ICA1: variants seen among roughly 807,000 people sequenced by gnomAD.
The protein encoded by ICA1 is 69 kDa islet cell autoantigen.
A neutral mutation model predicts 71.0 loss-of-function variants in ICA1; 40 were observed. The observed-to-expected ratio is 0.56, with a 90% CI of 0.44 to 0.73. The LOEUF is 0.73. Among genes scored for constraint, ICA1 ranks in the 30% least tolerant of loss-of-function variants. The pLI is 0.00. For missense variants in ICA1, 578 were observed against 576.5 expected, an observed-to-expected ratio of 1.00 and a Z score of -0.03; for synonymous variants, 207 against 209.5, an observed-to-expected ratio of 0.99 and a Z score of 0.10.
chr7:8,150,872 G>A (rs1798556226), intron 8 of ICA1, among the ~76,000 whole-genome samples: 2 of 152,250 alleles, frequency 1.3e-5, no homozygotes, highest in South Asian at 4.1e-4. Context: ...CCCCTGGGAA[G>A]CAGTGCATGG....
Position 8,248,876 on chromosome 7 carries a change from C to T in ICA1, c.-79-12871G>A, listed in dbSNP as rs111515931. The stretch of plus-strand genomic sequence containing the variant: ...ATAGCACCACATGCCATACAATCTA[C>T]GGTACAAATCTGTTCATATTCTATC... On this transcript the variant is annotated intron_variant, in intron 1 of 13. Coordinates refer to ENST00000402384, the MANE Select transcript of ICA1 (RefSeq NM_001136020.3). Among the ~76,000 whole-genome samples the T allele has an allele frequency of 5.7e-3, 865 of 152,306 alleles. 10 individuals are homozygous for T. Among genetic ancestry groups the T allele is most frequent in the African/African-American group, 0.019 (806 of 41,560 alleles).
At chr7:8,149,870 A>G (rs1030478934) in intron 8 of ICA1, among the ~76,000 whole-genome samples, 35 of 152,238 alleles carry the variant, frequency 2.3e-4, no homozygotes, top group African/African-American at 8.4e-4. Flanking sequence ...TACAATTAGA[A>G]GTACATGAAA....
rs368136777 is a variant in ICA1, at chr7:8,232,235, T to C, written c.183+355A>G. Among the ~76,000 whole-genome samples the C allele has an allele frequency of 1.2e-4, 18 of 152,342 alleles. No homozygotes were observed. In the East Asian group the frequency reaches 2.5e-3, roughly 21 times the overall value. Reference sequence around the variant, plus strand: ...TTCCACGACGTTTTACCTGAGTTCTTCTTTTAAAAAAATTTAACATTTGCC... The same window carrying C: ...TTCCACGACGTTTTACCTGAGTTCTCCTTTTAAAAAAATTTAACATTTGCC... On this transcript the variant is annotated intron_variant, in intron 3 of 13. Coordinates refer to ENST00000402384, the MANE Select transcript of ICA1 (RefSeq NM_001136020.3).
At chr7:8,157,273 C>A in intron 7 of ICA1, 59 bp from the exon 8 acceptor site, 2 of 1,448,732 alleles carry the variant, frequency 1.4e-6, no homozygotes, top group Non-Finnish European at 1.9e-6. Flanking sequence ...AGTCCTGGTC[C>A]CCAGGGAAGT....
At chr7:8,186,011 T>C (rs1427872699) in intron 6 of ICA1, among the ~76,000 whole-genome samples, 1 of 152,208 alleles carries the variant, frequency 6.6e-6, no homozygotes, top group African/African-American at 2.4e-5. Context: ...ATAATCATGA[T>C]ACACATTAGG....
intron 6 of ICA1, among the ~76,000 whole-genome samples, chr7:8,216,763 T>C (rs1321859444): frequency 6.6e-6 from 1 of 152,220 alleles, no homozygotes; most frequent in Non-Finnish European, 1.5e-5. Flanking sequence ...AAGAAAATTA[T>C]GTGTATTTTG....
rs780257530 is a variant in ICA1 at position 8,127,919 on chromosome 7, C to T, written c.1284G>A (p.Ser428=). Residue 428 remains serine, a synonymous_variant, in exon 13 of 14, where the codon TCG becomes TCA. Transcript: ENST00000402384. ...CTTTCATATTTTGGTCTAAAAGCTG[C>T]GAAGGAAGGAAACCTGAGCCTGTCT... The part of the protein sequence containing the change: ...KAQTGSGFLP[S]QLLDQNMKDL... The T allele has an allele frequency of 4.6e-5, 75 of 1,614,064 alleles. No individual in the cohort carries two copies. The highest frequency in any genetic ancestry group is 2.2e-4 in the Admixed American group (13 of 60,002).
intron 13 of ICA1, among the ~76,000 whole-genome samples, chr7:8,116,940 C>T (rs1485901557): frequency 6.6e-6 from 1 of 152,210 alleles, no homozygotes; most frequent in Non-Finnish European, 1.5e-5. Context: ...TGTGTCCCCA[C>T]CCAAATCTCA....
intron 13 of ICA1, among the ~76,000 whole-genome samples, chr7:8,114,426 C>T (rs531247633): frequency 6.6e-6 from 1 of 152,338 alleles, no homozygotes; most frequent in East Asian, 1.9e-4. Flanking sequence ...GGGCTTTCCA[C>T]TGTCTGCTGG....
rs891446621 is a variant in ICA1 at position 8,218,290 on chromosome 7, C to A, written c.579+15G>T. ...AGCAGGTACCCCTTCTGCTAACCCT[C>A]ATAAAACCTCCTACCTTCCTGAACT... is the stretch of plus-strand genomic sequence containing the variant. On this transcript the variant is annotated intron_variant, in intron 6 of 13. Coordinates refer to ENST00000402384, the MANE Select transcript of ICA1 (RefSeq NM_001136020.3). 1 of 1,613,258 alleles carries A rather than the reference C, an allele frequency of 6.2e-7. No individual in the cohort carries two copies. Among genetic ancestry groups the A allele is most frequent in the Non-Finnish European group, 8.5e-7 (1 of 1,179,226 alleles).
Position 8,170,253 on chromosome 7 carries a change from A to G in ICA1, c.580-11601T>C, listed in dbSNP as rs575308872. 2.6e-5 allele frequency among the ~76,000 whole-genome samples: 4 copies of G among 152,116 alleles called. No homozygotes were observed. In the South Asian group the frequency reaches 8.3e-4, roughly 32 times the overall value. ...ACTGTCTCGATTACTGTCACTTTAC[A>G]GTAAGTCTTGAAATCATGTAGTATA... On this transcript the variant is annotated intron_variant, in intron 6 of 13. Coordinates refer to ENST00000402384, the MANE Select transcript of ICA1 (RefSeq NM_001136020.3).
chr7:8,247,408 C>T (rs1169179440), intron 1 of ICA1, among the ~76,000 whole-genome samples: 1 of 151,856 alleles, frequency 6.6e-6, no homozygotes, highest in Non-Finnish European at 1.5e-5. Flanking sequence ...TGCAGAGAGC[C>T]ATGATGGAGC....
intron 6 of ICA1, among the ~76,000 whole-genome samples, chr7:8,199,889 G>A (rs1402187628): frequency 2.2e-4 from 33 of 152,290 alleles, no homozygotes; most frequent in Non-Finnish European, 4.4e-5. Flanking sequence ...ACAGAGAGTA[G>A]GATGGTTACC....
chr7:8,138,362 A>G (rs1378320579), intron 12 of ICA1, among the ~76,000 whole-genome samples: 2 of 152,234 alleles, frequency 1.3e-5, no homozygotes, highest in Admixed American at 1.3e-4. Context: ...ACCATTTGAC[A>G]TAACCCTGTG....
chr7:8,157,007 G>A (rs1375123913), intron 8 of ICA1, 109 bp downstream of exon 8: 1 of 1,599,076 alleles, frequency 6.3e-7, no homozygotes, highest in Non-Finnish European at 8.5e-7. Context: ...TCTCTCTTCA[G>A]CATTCTGAGT....
At chr7:8,212,935 A>G (rs1794276994) in intron 6 of ICA1, among the ~76,000 whole-genome samples, 1 of 152,194 alleles carries the variant, frequency 6.6e-6, no homozygotes, top group Admixed American at 6.5e-5. Flanking sequence ...TCCAATTCAG[A>G]ACTGGAAGCA....
rs1253685191 is a variant in ICA1 at position 8,226,878 on chromosome 7, A to G, written c.256+1723T>C. On this transcript the variant is annotated intron_variant, in intron 4 of 13. Transcript: ENST00000402384. This position sits in a 1 kb window ranked among gnomAD's most constrained non-coding sequence, Gnocchi z 4.4. ...TCTATTAACTAATCTGAGGTGGTTT[A>G]GGGGGAAGTTTTTCCTCTATATTCT... 6.6e-6 allele frequency among the ~76,000 whole-genome samples: 1 copy of G among 152,196 alleles called. No homozygotes were observed. The highest frequency in any genetic ancestry group is 1.5e-5 in the Non-Finnish European group (1 of 68,022).
intron 1 of ICA1, among the ~76,000 whole-genome samples, chr7:8,257,984 C>T (rs1403450130): frequency 6.6e-6 from 1 of 152,130 alleles, no homozygotes; most frequent in Non-Finnish European, 1.5e-5. Flanking sequence ...TCTTTCTCCC[C>T]ACTCCCAACC....
chr7:8,137,440 C>G (rs777685236), intron 12 of ICA1, among the ~76,000 whole-genome samples: 1 of 152,014 alleles, frequency 6.6e-6, no homozygotes, highest in Non-Finnish European at 1.5e-5. Flanking sequence ...TGGTGGGTAC[C>G]TAGGTTTGTT....
Sources: allele counts gnomAD v4.1 joint callset (sites outside exome capture counted in the v4.1 genomes callset), GRCh38; gene constraint gnomAD v4.1.1; non-coding constraint Gnocchi (gnomAD v3.1); transcripts MANE v1.5; gene names NCBI Gene and HGNC (gene_info 2026-07-23, HGNC 2026-07-21).